IMPG1: variants seen among roughly 807,000 people sequenced by gnomAD.
IMPG1 encodes interphotoreceptor matrix proteoglycan of 150 kDa.
A neutral mutation model predicts 92.0 loss-of-function variants in IMPG1; 85 were observed. The observed-to-expected ratio is 0.92, with a 90% CI of 0.78 to 1.11. IMPG1 has a LOEUF of 1.11. IMPG1 is among the 50% of genes least tolerant of loss of function. The probability of loss-of-function intolerance (pLI) is 0.00; values close to 1 mark genes in which losing one functional copy is unlikely to be tolerated. For missense variants in IMPG1, 1,022 were observed against 956.0 expected (o/e 1.07, Z -0.91); for synonymous variants, 367 against 334.1 (o/e 1.10, Z -1.08).
At chr6:76,059,665 C>T (rs184517284) in intron 1 of IMPG1, among the ~76,000 whole-genome samples, 1 of 152,298 alleles carries the variant, frequency 6.6e-6, no homozygotes, top group Non-Finnish European at 1.5e-5. Flanking sequence ...CAACTGGATA[C>T]AGGTCACATC....
At chr6:75,980,784 TG>T (rs1782614075) in intron 12 of IMPG1, among the ~76,000 whole-genome samples, 3 of 152,196 alleles carry the variant, frequency 2.0e-5, no homozygotes, top group African/African-American at 7.2e-5. Context: ...GATGGCCTAT[TG>T]TGGGACTTCA....
intron 14 of IMPG1, among the ~76,000 whole-genome samples, chr6:75,938,138 TG>T (rs1163140605): frequency 1.3e-5 from 2 of 152,228 alleles, no homozygotes; most frequent in African/African-American, 4.8e-5. Flanking sequence ...AAAAGGGGAA[TG>T]GCACACCTAG....
At chr6:75,975,817 C>G (rs2149467645) in intron 12 of IMPG1, among the ~76,000 whole-genome samples, 2 of 152,316 alleles carry the variant, frequency 1.3e-5, no homozygotes, top group East Asian at 3.9e-4. Context: ...CTCAACTATG[C>G]TGCTGTAGCT....
At chr6:75,976,659 C>G (rs1339640398) in intron 12 of IMPG1, among the ~76,000 whole-genome samples, 2 of 152,190 alleles carry the variant, frequency 1.3e-5, no homozygotes, top group Non-Finnish European at 2.9e-5. Flanking sequence ...TGCCTGTAAT[C>G]CCAGCACTTT....
At chr6:75,967,388 T>G (rs930546451) in intron 12 of IMPG1, among the ~76,000 whole-genome samples, 3 of 152,148 alleles carry the variant, frequency 2.0e-5, no homozygotes, top group Non-Finnish European at 2.9e-5. Flanking sequence ...AGCATTCTTA[T>G]AAAAGAGACT....
At chr6:76,028,874 C>G (rs983055745) in intron 4 of IMPG1, among the ~76,000 whole-genome samples, 1 of 152,126 alleles carries the variant, frequency 6.6e-6, no homozygotes, top group Non-Finnish European at 1.5e-5. Flanking sequence ...TTGGAGCATG[C>G]TTGTTTCTCT....
chr6:75,972,000 G>A (rs928738450), intron 12 of IMPG1, among the ~76,000 whole-genome samples: 39 of 152,126 alleles, frequency 2.6e-4, no homozygotes, highest in African/African-American at 9.2e-4. Flanking sequence ...CCTTTGGCAC[G>A]TATTCATCTT....
At chr6:76,022,698 G>GTGA (rs1783454033) in intron 5 of IMPG1, among the ~76,000 whole-genome samples, 1 of 152,142 alleles carries the variant, frequency 6.6e-6, no homozygotes, top group African/African-American at 2.4e-5. Flanking sequence ...TTTTAGAACA[G>GTGA]ATCACCATAA....
chr6:75,939,128 C>T lies in IMPG1; in HGVS notation c.2045-7977G>A, dbSNP rs144836791. ...TGCTGGGATTACAGGCGTGAGCCAC[C>T]GCTCCCAGCCTTCACTAAACTTAAG... is the stretch of plus-strand genomic sequence containing the variant. On this transcript the variant is annotated intron_variant, in intron 14 of 16. Coordinates refer to ENST00000369950, the MANE Select transcript of IMPG1 (RefSeq NM_001563.4). Among the ~76,000 whole-genome samples the T allele has an allele frequency of 2.7e-4, 41 of 152,320 alleles. No homozygotes were observed. The South Asian group carries it at 5.6e-3, about 21-fold the overall frequency.
intron 15 of IMPG1, among the ~76,000 whole-genome samples, chr6:75,924,273 CAA>C (rs1781481758): frequency 6.8e-6 from 1 of 146,400 alleles, no homozygotes; most frequent in Non-Finnish European, 1.5e-5. Flanking sequence ...ATCAGTATAT[CAA>C]AGAGATATCT....
At chr6:76,033,095 C>A (rs373304502) in intron 4 of IMPG1, among the ~76,000 whole-genome samples, 2 of 152,186 alleles carry the variant, frequency 1.3e-5, no homozygotes, top group Admixed American at 1.3e-4. Flanking sequence ...CAGTGGGGTG[C>A]TAAAAATATC....
chr6:75,959,040 G>T (rs1407216668), intron 12 of IMPG1, among the ~76,000 whole-genome samples: 2 of 152,058 alleles, frequency 1.3e-5, no homozygotes, highest in African/African-American at 4.8e-5. Context: ...TTCGATGTTG[G>T]TGACATTCAG....
At chr6:75,975,027 T>G (rs1378771502) in intron 12 of IMPG1, among the ~76,000 whole-genome samples, 1 of 152,208 alleles carries the variant, frequency 6.6e-6, no homozygotes, top group Non-Finnish European at 1.5e-5. Context: ...AAATCACAAG[T>G]GAATCAGAAC....
At chr6:75,975,300 C>G (rs1020883297) in intron 12 of IMPG1, among the ~76,000 whole-genome samples, 5 of 152,230 alleles carry the variant, frequency 3.3e-5, no homozygotes, top group African/African-American at 4.8e-5. Context: ...GGTCATGTCC[C>G]AGACATACCT....
chr6:76,068,670 C>T (rs557133399), intron 1 of IMPG1, among the ~76,000 whole-genome samples: 6 of 151,290 alleles, frequency 4.0e-5, no homozygotes, highest in South Asian at 4.2e-4. Context: ...GCACCCATCA[C>T]CATGCCTGGC....
intron 12 of IMPG1, among the ~76,000 whole-genome samples, chr6:75,987,469 C>A (rs1360542845): frequency 6.8e-6 from 1 of 147,762 alleles, no homozygotes; most frequent in Non-Finnish European, 1.5e-5. Context: ...CCTGCCCCCA[C>A]CCCACCACAG....
chr6:75,996,046 T>C (rs1242756273), intron 12 of IMPG1, among the ~76,000 whole-genome samples: 1 of 152,222 alleles, frequency 6.6e-6, no homozygotes, highest in Admixed American at 6.5e-5. Flanking sequence ...GGTAATTCAT[T>C]GAAGTCCTTT....
intron 1 of IMPG1, among the ~76,000 whole-genome samples, chr6:76,044,445 G>A (rs1196583543): frequency 7.9e-5 from 12 of 152,130 alleles, no homozygotes; most frequent in Admixed American, 7.9e-4. Flanking sequence ...CACTGTGCCT[G>A]CCTGTAATGT....
intron 12 of IMPG1, among the ~76,000 whole-genome samples, chr6:75,998,751 A>T (rs1782939339): frequency 6.6e-6 from 1 of 152,156 alleles, no homozygotes; most frequent in African/African-American, 2.4e-5. Flanking sequence ...AACCACAAAA[A>T]ATTTTTACCC....
Sources: allele counts gnomAD v4.1 joint callset (sites outside exome capture counted in the v4.1 genomes callset), GRCh38; gene constraint gnomAD v4.1.1; transcripts MANE v1.5; gene names NCBI Gene and HGNC (gene_info 2026-07-23, HGNC 2026-07-21).